TCF3: variants seen among roughly 807,000 people sequenced by gnomAD.
TCF3 encodes transcription factor E2-alpha.
TCF3 carries 54 observed loss-of-function variants against 72.3 expected under a neutral mutation model. That is an observed-to-expected ratio of 0.75 (90% CI 0.60 to 0.94). The LOEUF (loss-of-function observed/expected upper bound fraction) is 0.94. TCF3 is among the 40% of genes least tolerant of loss of function. The pLI is 0.00. For missense variants in TCF3, 1,078 were observed against 934.4 expected, an observed-to-expected ratio of 1.15 and a Z score of -2.00; for synonymous variants, 525 against 412.6, an observed-to-expected ratio of 1.27 and a Z score of -3.30.
At chr19:1,636,279 C>T (rs564255750) in intron 3 of TCF3, among the ~76,000 whole-genome samples, 3 of 152,256 alleles carry the variant, frequency 2.0e-5, no homozygotes, top group African/African-American at 7.2e-5. Flanking sequence ...CCCGCCTCAG[C>T]CTCCCACGTA....
intron 3 of TCF3, among the ~76,000 whole-genome samples, chr19:1,644,295 T>C (rs915851084): frequency 6.6e-6 from 1 of 151,586 alleles, no homozygotes; most frequent in African/African-American, 2.4e-5. Flanking sequence ...CCTGGGGGAG[T>C]GGAGGCAATG....
At chr19:1,645,481 G>C (rs758156239) in intron 3 of TCF3, among the ~76,000 whole-genome samples, 1 of 152,006 alleles carries the variant, frequency 6.6e-6, no homozygotes, top group African/African-American at 2.4e-5. Flanking sequence ...CCCCTAGCCC[G>C]CCCCGCCGGC....
chr19:1,639,264 G>C (rs1365690412), intron 3 of TCF3, among the ~76,000 whole-genome samples: 1 of 152,182 alleles, frequency 6.6e-6, no homozygotes. Context: ...GGCTGGTCTT[G>C]AACTCCTGAC....
In TCF3 at chr19:1,622,084, C is replaced by G. The variant is rs199986239; in HGVS notation, c.792G>C (p.Thr264=). 37 of 1,600,846 alleles carry G rather than the reference C, an allele frequency of 2.3e-5. No homozygotes were observed. The South Asian group carries it at 4.1e-4, about 18-fold the overall frequency. The stretch of plus-strand genomic sequence containing the variant: ...GCTCGTGCTGGTGCAGGCCACCAAA[C>G]GTGCTGCTGCTTCCACTGCTGCCCA... ...GPVGSSGSSS[T]FGGLHQHERM... is the part of the protein sequence containing the mutation. The change falls in exon 10 of 19, where the codon ACG becomes ACC. Residue 264 remains threonine (T), a synonymous_variant. Coordinates refer to ENST00000262965, the MANE Select transcript of TCF3 (RefSeq NM_003200.5).
At chr19:1,646,476 C>A in intron 2 of TCF3, 49 bp from the exon 3 acceptor site, 1 of 1,515,332 alleles carries the variant, frequency 6.6e-7, no homozygotes, top group Non-Finnish European at 8.9e-7. Context: ...GCAAACCAAA[C>A]CCTACAGTCC....
chr19:1,618,560 C>T (rs962690430), intron 16 of TCF3, among the ~76,000 whole-genome samples: 6 of 150,334 alleles, frequency 4.0e-5, no homozygotes, highest in African/African-American at 1.5e-4. Flanking sequence ...CCACGGGTCT[C>T]CTGGCTGTTC....
intron 18 of TCF3, among the ~76,000 whole-genome samples, chr19:1,613,198 C>T (rs956526792): frequency 1.1e-4 from 17 of 152,142 alleles, no homozygotes; most frequent in African/African-American, 4.1e-4. Flanking sequence ...TCTCTGTGCA[C>T]GCGGCGAATG....
Position 1,632,414 on chromosome 19 carries a change from A to G in TCF3, c.146-9T>C, listed in dbSNP as rs1377398288. The G allele has an allele frequency of 1.9e-6, 3 of 1,587,188 alleles. No homozygotes were observed. The highest frequency in any genetic ancestry group is 2.6e-6 in the Non-Finnish European group (3 of 1,167,046). On this transcript the variant is annotated splice_polypyrimidine_tract_variant and intron_variant, in intron 3 of 18. Coordinates refer to ENST00000262965, the MANE Select transcript of TCF3 (RefSeq NM_003200.5). ...GGGCCGGTCCTCAAGACCTGCAGGC[A>G]GGACAGAGAGAGTTATGGGTCACCC...
intron 2 of TCF3, among the ~76,000 whole-genome samples, chr19:1,648,823 G>A (rs541629728): frequency 1.3e-5 from 2 of 150,758 alleles, no homozygotes; most frequent in East Asian, 3.9e-4. Context: ...GGCATGGGGG[G>A]GGGGGGGGAG....
At chr19:1,650,345 G>A in intron 1 of TCF3, 58 bp from the exon 2 acceptor site, 1 of 1,303,708 alleles carries the variant, frequency 7.7e-7, no homozygotes, top group East Asian at 2.5e-5. Flanking sequence ...GAGAAGAGTT[G>A]TGAGTGGTCA....
At chr19:1,625,149 T>C (rs1042905884) in intron 7 of TCF3, among the ~76,000 whole-genome samples, 6 of 152,350 alleles carry the variant, frequency 3.9e-5, no homozygotes, top group South Asian at 2.1e-4. Context: ...GCCTGGCGAC[T>C]GTGCTGCCTG....
chr19:1,640,957 T>C (rs2065149831), intron 3 of TCF3, among the ~76,000 whole-genome samples: 1 of 152,166 alleles, frequency 6.6e-6, no homozygotes, highest in Non-Finnish European at 1.5e-5. Context: ...GAGACCAGCC[T>C]GGCCAACGTG....
chr19:1,636,848 A>G (rs1233326420), intron 3 of TCF3, among the ~76,000 whole-genome samples: 1 of 152,176 alleles, frequency 6.6e-6, no homozygotes, highest in Admixed American at 6.5e-5. Context: ...ATCTGCCTCT[A>G]ATGTCTGGCG....
chr19:1,618,827 C>T (rs957020133), intron 16 of TCF3, among the ~76,000 whole-genome samples: 10 of 152,060 alleles, frequency 6.6e-5, no homozygotes, highest in Admixed American at 5.2e-4. Flanking sequence ...CATCCTGCTG[C>T]ACCCCTCGCC....
At chr19:1,625,205 C>A (rs75171420) in intron 7 of TCF3, among the ~76,000 whole-genome samples, 141 of 152,364 alleles carry the variant, frequency 9.3e-4, no homozygotes, top group African/African-American at 3.2e-3. Flanking sequence ...GCTCCTGAGC[C>A]CGAGGCTGTG....
intron 5 of TCF3, among the ~76,000 whole-genome samples, chr19:1,631,790 T>C (rs978515540): frequency 1.3e-5 from 2 of 152,194 alleles, no homozygotes; most frequent in Non-Finnish European, 2.9e-5. Context: ...AAGTGGGGTC[T>C]GGAACGGCCT....
chr19:1,611,015 C>CA lies in TCF3; in HGVS notation c.*691dup. On this transcript the variant is annotated 3_prime_UTR_variant, in exon 19 of 19. Coordinates refer to ENST00000262965, the MANE Select transcript of TCF3 (RefSeq NM_003200.5). Reference sequence around the variant, plus strand: ...CTGGTTGATCAAGAAATGCAATGCTCAGTCTAGGAACAGCAGCAGAAATAG... The same window carrying CA: ...CTGGTTGATCAAGAAATGCAATGCTCAAGTCTAGGAACAGCAGCAGAAATAG... 1 of 223,086 alleles carries CA rather than the reference C, an allele frequency of 4.5e-6. No homozygotes were observed. Among genetic ancestry groups the CA allele is most frequent in the East Asian group, 6.4e-5 (1 of 15,652 alleles). The allele number at this position is 223,086 out of a possible 1,614,324, so 13.8% of individuals were successfully genotyped here.
chr19:1,647,564 G>C (rs2066312242), intron 2 of TCF3, among the ~76,000 whole-genome samples: 1 of 152,148 alleles, frequency 6.6e-6, no homozygotes, highest in African/African-American at 2.4e-5. Flanking sequence ...TGCGGGTAGG[G>C]GTGGCACCCG....
At chr19:1,625,504 C>T (rs571766901) in intron 7 of TCF3, 72 bp downstream of exon 7, 32 of 1,458,480 alleles carry the variant, frequency 2.2e-5, no homozygotes, top group African/African-American at 7.4e-5. Context: ...CCTCAGCTAA[C>T]GGGAAGCCTC....
Sources: gnomAD v4.1 joint callset for allele counts (sites outside exome capture counted in the v4.1 genomes callset) on GRCh38, gnomAD v4.1.1 for gene constraint, MANE v1.5 for transcripts, NCBI Gene and HGNC (gene_info 2026-07-23, HGNC 2026-07-21) for gene names.